Variants in SUPT7L observed in about 807,000 individuals in gnomAD.
SUPT7L encodes STAGA complex 65 subunit gamma.
A neutral mutation model predicts 35.7 loss-of-function variants in SUPT7L; 15 were observed. The observed-to-expected ratio is 0.42, with a 90% CI of 0.28 to 0.65. The LOEUF (loss-of-function observed/expected upper bound fraction) is 0.65, where lower values mean the gene tolerates loss of function less well. Ranked by LOEUF, SUPT7L falls within the 30% of genes least tolerant of loss-of-function variation. SUPT7L has a pLI of 0.23. For synonymous variants in SUPT7L, 168 were observed against 186.2 expected, an observed-to-expected ratio of 0.90 and a Z score of 0.79; for missense variants, 434 against 522.2, an observed-to-expected ratio of 0.83 and a Z score of 1.65.
chr2:27,650,173 A>C, downstream of SUPT7L: 1 of 1,601,622 alleles, frequency 6.2e-7, no homozygotes, highest in Non-Finnish European at 8.6e-7. Context: ...AATCGATGGC[A>C]CAATACTGGA....
chr2:27,653,519 T>C lies in SUPT7L; in HGVS notation c.1211A>G (p.Asn404Ser). The C allele has an allele frequency of 1.2e-6, 2 of 1,614,188 alleles. No individual in the cohort carries two copies. The highest frequency in any genetic ancestry group is 1.7e-5 in the Admixed American group (1 of 60,014). ...CCTCATCCTCTTCTTGCAGCGCTGGTTGAAAACAGGGGAGGACCCCATGAG... is the reference window on the plus strand; with the variant it reads ...CCTCATCCTCTTCTTGCAGCGCTGGCTGAAAACAGGGGAGGACCCCATGAG... Reference protein sequence around the residue: ...DSLMGSSPVFNQRCKKRMRKI With the variant: ...DSLMGSSPVFSQRCKKRMRKI The change falls in exon 6 of 6, where the codon AAC becomes AGC. Residue 404 changes from asparagine to serine, a missense_variant. This residue lies in a region of SUPT7L where 159 missense variants were observed against 217.1 expected (regional missense o/e 0.73). Transcript: ENST00000337768.
At chr2:27,642,844 C>T in the SUPT7L span, among the ~76,000 whole-genome samples, 2 of 152,030 alleles carry the variant, frequency 1.3e-5, no homozygotes, top group East Asian at 3.9e-4. Flanking sequence ...GGATTACAGG[C>T]ATGAGCCACT....
intron 3 of SUPT7L, among the ~76,000 whole-genome samples, chr2:27,660,014 T>C (rs1240599575): frequency 6.6e-6 from 1 of 152,178 alleles, no homozygotes; most frequent in Non-Finnish European, 1.5e-5. Flanking sequence ...CTCTAGGTTA[T>C]AAGGCAGTCA....
At chr2:27,650,031 C>G (rs976589984), downstream of SUPT7L, 36 of 782,560 alleles carry the variant, frequency 4.6e-5, no homozygotes, top group Non-Finnish European at 7.5e-5. Flanking sequence ...AAGTAATGTA[C>G]TGTTTTCTGA....
chr2:27,660,314 C>G (rs961813604), intron 3 of SUPT7L, among the ~76,000 whole-genome samples: 5 of 151,870 alleles, frequency 3.3e-5, no homozygotes, highest in African/African-American at 1.2e-4. Context: ...CTCTGCCTCC[C>G]CTGGGTTCAA....
In SUPT7L at chr2:27,661,506, G is replaced by A. The variant is rs577106284; in HGVS notation, c.15-118C>T. 6 of 1,511,254 alleles carry A rather than the reference G, an allele frequency of 4.0e-6. No homozygotes were observed. The East Asian group carries it at 6.8e-5, about 17-fold the overall frequency. The allele number at this position is 1,511,254 out of a possible 1,614,324, so 93.6% of individuals were successfully genotyped here. On this transcript the variant is annotated intron_variant, in intron 2 of 5. Transcript: ENST00000337768. ...TATAGGCTTCTGTAGTGAAAAATAC[G>A]AGGTCTAGCCAGTTATTTATGTAAA...
rs748637524 is a variant in SUPT7L at position 27,657,558 on chromosome 2, ACT to A, written c.529_530del (p.Ser177CysfsTer7). On this transcript the variant is annotated frameshift_variant, in exon 4 of 6. Transcript: ENST00000337768. LOFTEE classifies it high-confidence loss of function. The surrounding 1 kb of genome is among the most constrained non-coding windows in gnomAD (Gnocchi z 5.2). ...CCACATCAGTTAGGGTCTCCAGGAC[ACT>A]CTCATTAGCACAGTCAAAGCCCGCG... ...AHAGFDCANE[S>X]VLETLTDVAH... 112 of 1,614,066 alleles carry A rather than the reference ACT, an allele frequency of 6.9e-5. No individual in the cohort carries two copies. The highest frequency in any genetic ancestry group is 9.1e-5 in the Non-Finnish European group (107 of 1,180,046).
chr2:27,653,571 T>C lies in SUPT7L; in HGVS notation c.1159A>G (p.Ser387Gly). The C allele has an allele frequency of 6.2e-7, 1 of 1,614,226 alleles. No individual in the cohort carries two copies. The highest frequency in any genetic ancestry group is 1.3e-5 in the African/African-American group (1 of 75,054). ...CTGTCAGTGGAGTGGGAACCATAGCTGCTATCTGAGTCATCAGGGCTCTGA... is the reference window on the plus strand; with the variant it reads ...CTGTCAGTGGAGTGGGAACCATAGCCGCTATCTGAGTCATCAGGGCTCTGA... ...IPQSPDDSDSSYGSHSTDSLM... is the reference protein window; with the variant it reads ...IPQSPDDSDSGYGSHSTDSLM... Residue 387 changes from serine to glycine, a missense_variant, in exon 6 of 6, where the codon AGC becomes GGC. Transcript: ENST00000337768.
Position 27,660,952 on chromosome 2 carries a change from G to C in SUPT7L, c.419+32C>G, listed in dbSNP as rs771364901. On this transcript the variant is annotated intron_variant, in intron 3 of 5. Coordinates refer to ENST00000337768, the MANE Select transcript of SUPT7L (RefSeq NM_014860.3). Reference sequence around the variant, plus strand: ...CAGGGTTGTTGGGAAGATGACTTGAGAAAAGTAAGATACAGCAAAGCCTTG... The same window carrying C: ...CAGGGTTGTTGGGAAGATGACTTGACAAAAGTAAGATACAGCAAAGCCTTG... The C allele has an allele frequency of 7.6e-6, 12 of 1,587,968 alleles. 1 individual carries two copies. Among genetic ancestry groups the C allele is most frequent in the Middle Eastern group, 3.4e-4 (2 of 5,966 alleles).
At chr2:27,653,845 T>C in intron 5 of SUPT7L, 98 bp from the exon 6 acceptor site, 2 of 1,438,916 alleles carry the variant, frequency 1.4e-6, no homozygotes, top group East Asian at 4.6e-5. Flanking sequence ...CTAATATGCT[T>C]TGAGCTCAGT....
At chr2:27,643,291 A>G in the SUPT7L span, among the ~76,000 whole-genome samples, 7 of 151,744 alleles carry the variant, frequency 4.6e-5, no homozygotes, top group Non-Finnish European at 1.0e-4. The surrounding 1 kb of genome is among the most constrained non-coding windows in gnomAD (Gnocchi z 4.0). Flanking sequence ...TCAGATTCCC[A>G]AAATGTTAAC....
chr2:27,657,762 A>G lies in SUPT7L; in HGVS notation c.420-93T>C. On this transcript the variant is annotated intron_variant, in intron 3 of 5. Transcript: ENST00000337768. The surrounding 1 kb of genome is among the most constrained non-coding windows in gnomAD (Gnocchi z 5.2). ...GGAGTTTTACAATTCCAGTCAAGCC[A>G]CTGGCCTAGCTTTCCAGGGAAATTC... 2 of 1,225,884 alleles carry G rather than the reference A, an allele frequency of 1.6e-6. No homozygotes were observed. The highest frequency in any genetic ancestry group is 1.6e-5 in the South Asian group (1 of 64,340). The allele number at this position is 1,225,884 out of a possible 1,614,324, so 75.9% of individuals were successfully genotyped here.
chr2:27,660,026 G>A (rs1007841772), intron 3 of SUPT7L, among the ~76,000 whole-genome samples: 5 of 152,086 alleles, frequency 3.3e-5, no homozygotes, highest in African/African-American at 1.2e-4. Flanking sequence ...AGGCAGTCAC[G>A]TTCAGAGGAT....
the SUPT7L span, among the ~76,000 whole-genome samples, chr2:27,643,064 C>T: frequency 6.6e-6 from 1 of 151,120 alleles, no homozygotes; most frequent in South Asian, 2.1e-4. The surrounding 1 kb of genome is among the most constrained non-coding windows in gnomAD (Gnocchi z 4.0). Flanking sequence ...ATATACAGCT[C>T]TACCACTTTG....
chr2:27,657,508 G>A lies in SUPT7L; in HGVS notation c.581C>T (p.Thr194Ile). The A allele has an allele frequency of 6.2e-7, 1 of 1,614,240 alleles. No individual in the cohort carries two copies. Among genetic ancestry groups the A allele is most frequent in the Non-Finnish European group, 8.5e-7 (1 of 1,180,036 alleles). Residue 194 changes from threonine to isoleucine, a missense_variant, in exon 4 of 6, where the codon ACC becomes ATC. Around this residue, in one of 3 missense-constraint regions of SUPT7L, gnomAD observed 198 missense variants for 190.8 expected, o/e 1.04. Coordinates refer to ENST00000337768, the MANE Select transcript of SUPT7L (RefSeq NM_014860.3). This position sits in a 1 kb window ranked among gnomAD's most constrained non-coding sequence, Gnocchi z 5.2. ...DVAHEYCLKF[T>I]KLLRFAVDRE... ...GTCCACAGCAAAACGCAGCAACTTG[G>A]TAAACTTAAGGCAATACTCATGTGC... is the stretch of plus-strand genomic sequence containing the variant.
At chr2:27,653,939 C>A (rs1674677541) in intron 5 of SUPT7L, among the ~76,000 whole-genome samples, 192 bp from the exon 6 acceptor site, 1 of 152,154 alleles carries the variant, frequency 6.6e-6, no homozygotes, top group South Asian at 2.1e-4. Context: ...AAATTACCAG[C>A]TCTGATTATC....
intron 5 of SUPT7L, among the ~76,000 whole-genome samples, chr2:27,654,160 C>G (rs1408191961): frequency 1.3e-5 from 2 of 152,128 alleles, no homozygotes; most frequent in Non-Finnish European, 2.9e-5. Flanking sequence ...TTGTTTGGGT[C>G]TCTGGTCATC....
chr2:27,645,624 A>C, the SUPT7L span, among the ~76,000 whole-genome samples: 1 of 151,670 alleles, frequency 6.6e-6, no homozygotes, highest in African/African-American at 2.4e-5. Context: ...TTCCATATAT[A>C]GGTTTTTCTT....
downstream of SUPT7L, chr2:27,650,805 C>T (rs1674494774): frequency 6.5e-6 from 1 of 152,764 alleles, no homozygotes; most frequent in Non-Finnish European, 1.5e-5. Context: ...GAATCAGAAT[C>T]CTGTTTCATT....
Sources: allele counts gnomAD v4.1 joint callset (sites outside exome capture counted in the v4.1 genomes callset), GRCh38; gene constraint gnomAD v4.1.1; regional missense constraint gnomAD v4.1.1; non-coding constraint Gnocchi (gnomAD v3.1); transcripts MANE v1.5; gene names NCBI Gene and HGNC (gene_info 2026-07-23, HGNC 2026-07-21).